Variants in SCUBE1 observed in about 807,000 individuals in gnomAD.
SCUBE1 encodes signal peptide, CUB domain and EGF like domain containing 1, also known as signal peptide, CUB and EGF-like domain-containing protein 1.
In SCUBE1, 59 loss-of-function variants were observed where a neutral mutation model predicts 124.4. The ratio of observed to expected loss-of-function variants is 0.47; its 90% CI spans 0.38 to 0.59. SCUBE1 has a LOEUF of 0.59. SCUBE1 is among the 20% of genes least tolerant of loss of function. The probability of loss-of-function intolerance (pLI) is 0.00; values close to 1 mark genes in which losing one functional copy is unlikely to be tolerated. For missense variants in SCUBE1, 1,150 were observed against 1,371.2 expected (o/e 0.84, Z 2.55); for synonymous variants, 545 against 550.9 (o/e 0.99, Z 0.15).
rs146338408 is a variant in SCUBE1 at position 43,222,653 on chromosome 22, C to A, written c.1417G>T (p.Gly473Trp). 37 of 1,594,230 alleles carry A rather than the reference C, an allele frequency of 2.3e-5. No homozygotes were observed. Among genetic ancestry groups the A allele is most frequent in the Non-Finnish European group, 2.9e-5 (34 of 1,171,572 alleles). ...GGGGGGTTACCTGAGCAGCTGGGCC[C>A]GAGGCCAGAGCTGGTGCCGTTGCGT... ...QKRNGTSSGL[G>W]PSCSDAPTTP... The change falls in exon 12 of 22, where the codon GGG becomes TGG. Residue 473 changes from glycine (G) to tryptophan (W), a missense_variant. Physicochemically the swap from Gly to Trp is radical, Grantham distance 184 (BLOSUM62 -2). This residue lies in a region of SCUBE1 where 757 missense variants were observed against 840.9 expected (regional missense o/e 0.90). Transcript: ENST00000360835.
At chr22:43,250,556 G>A (rs952844845) in intron 6 of SCUBE1, among the ~76,000 whole-genome samples, 3 of 152,240 alleles carry the variant, frequency 2.0e-5, no homozygotes, top group African/African-American at 7.2e-5. Flanking sequence ...ATCGGACAAG[G>A]TGGAGCAGTT....
chr22:43,259,585 C>A (rs9941932), intron 5 of SCUBE1, among the ~76,000 whole-genome samples: 1 of 152,144 alleles, frequency 6.6e-6, no homozygotes, highest in Non-Finnish European at 1.5e-5. Flanking sequence ...TCACAGAGAC[C>A]GACGCAGAGC....
At chr22:43,310,119 C>T (rs1158227616) in intron 3 of SCUBE1, among the ~76,000 whole-genome samples, 1 of 152,152 alleles carries the variant, frequency 6.6e-6, no homozygotes, top group Non-Finnish European at 1.5e-5. Context: ...CCTGACCCAG[C>T]CCCGGCCCGC....
intron 4 of SCUBE1, among the ~76,000 whole-genome samples, chr22:43,277,030 G>A (rs1216634599): frequency 1.3e-5 from 2 of 152,210 alleles, no homozygotes; most frequent in Non-Finnish European, 2.9e-5. Context: ...AAAGGCCCGG[G>A]AGCAGAGACA....
intron 3 of SCUBE1, among the ~76,000 whole-genome samples, chr22:43,313,431 AAG>A (rs1183779525): frequency 2.0e-5 from 3 of 152,230 alleles, no homozygotes; most frequent in African/African-American, 7.2e-5. Context: ...GCTTTAGAGA[AAG>A]AGGAGCCTTG....
At chr22:43,336,124 C>T (rs113748946) in intron 2 of SCUBE1, among the ~76,000 whole-genome samples, 1,635 of 152,272 alleles carry the variant, frequency 0.011, 18 homozygotes, top group African/African-American at 0.038. Context: ...GTGCACTATA[C>T]TGTGCCTCAC....
chr22:43,265,718 TTA>T (rs1438810501), intron 4 of SCUBE1, among the ~76,000 whole-genome samples: 1 of 152,230 alleles, frequency 6.6e-6, no homozygotes, highest in Non-Finnish European at 1.5e-5. Flanking sequence ...ATGGACGTGT[TTA>T]TGTGTTACAG....
Position 43,210,697 on chromosome 22 carries a change from C to T in SCUBE1, c.2383+225G>A, listed in dbSNP as rs191631441. Among the ~76,000 whole-genome samples the T allele has an allele frequency of 3.9e-5, 6 of 152,324 alleles. No individual in the cohort carries two copies. Among genetic ancestry groups the T allele is most frequent in the Admixed American group, 3.9e-4 (6 of 15,306 alleles). On this transcript the variant is annotated intron_variant, in intron 18 of 21. Coordinates refer to ENST00000360835, the MANE Select transcript of SCUBE1 (RefSeq NM_173050.5). This position sits in a 1 kb window ranked among gnomAD's most constrained non-coding sequence, Gnocchi z 4.5. ...TGGGTGAGCAGTGGGAACTGATGAA[C>T]GATGGCCACCACTGTGGGCTCCGTA...
Position 43,260,734 on chromosome 22 carries a change from C to T in SCUBE1, c.610+1986G>A, listed in dbSNP as rs569471240. The stretch of plus-strand genomic sequence containing the variant: ...TACCTTGGTGATATTCAGCCACCCA[C>T]GGAGAGGGTGGGACTGCTGTTTCTT... On this transcript the variant is annotated intron_variant, in intron 5 of 21. Coordinates refer to ENST00000360835, the MANE Select transcript of SCUBE1 (RefSeq NM_173050.5). Among the ~76,000 whole-genome samples the T allele has an allele frequency of 1.2e-4, 19 of 152,320 alleles. No homozygotes were observed. The South Asian group carries it at 2.9e-3, about 23-fold the overall frequency.
rs970933077 is a variant in SCUBE1 at position 43,220,366 on chromosome 22, A to G, written c.1687+84T>C. On this transcript the variant is annotated intron_variant, in intron 14 of 21. Transcript: ENST00000360835. ...TGTGCTCTGGTGGGAGCCTAGCTTC[A>G]TGCCTGGCAGGCCCCCGGCAGCGCC... 1.4e-4 allele frequency: 201 copies of G among 1,482,510 alleles called. 1 individual carries two copies. Among genetic ancestry groups the G allele is most frequent in the Admixed American group, 2.7e-4 (15 of 55,274 alleles). 91.8% of individuals were successfully genotyped at this position (1,482,510 alleles called of 1,614,324 possible).
intron 4 of SCUBE1, among the ~76,000 whole-genome samples, chr22:43,278,997 G>C (rs1924649863): frequency 6.6e-6 from 1 of 152,170 alleles, no homozygotes; most frequent in South Asian, 2.1e-4. Context: ...GCAGGCCACA[G>C]ACAAGCCAGA....
At chr22:43,341,964 C>T (rs1441859490) in intron 1 of SCUBE1, among the ~76,000 whole-genome samples, 4 of 152,046 alleles carry the variant, frequency 2.6e-5, no homozygotes, top group Admixed American at 2.6e-4. Flanking sequence ...GAGAGACACC[C>T]ACAGACACAA....
chr22:43,255,630 T>C lies in SCUBE1; in HGVS notation c.727+2589A>G. 6.9e-7 allele frequency: 1 copy of C among 1,452,008 alleles called. No individual in the cohort carries two copies. The highest frequency in any genetic ancestry group is 9.4e-7 in the Non-Finnish European group (1 of 1,058,816). The allele number at this position is 1,452,008 out of a possible 1,614,324, so 89.9% of individuals were successfully genotyped here. Reference sequence around the variant, plus strand: ...GAGCCAGTGGTTAATGACAGCCCACTTCCCGCGGCCCAAGACAGTCAGCCT... The same window carrying C: ...GAGCCAGTGGTTAATGACAGCCCACCTCCCGCGGCCCAAGACAGTCAGCCT... On this transcript the variant is annotated intron_variant, in intron 6 of 21. Transcript: ENST00000360835. This position sits in a 1 kb window ranked among gnomAD's most constrained non-coding sequence, Gnocchi z 4.7.
At chr22:43,284,691 A>G (rs1399834061) in intron 4 of SCUBE1, among the ~76,000 whole-genome samples, 1 of 152,262 alleles carries the variant, frequency 6.6e-6, no homozygotes, top group African/African-American at 2.4e-5. Context: ...AAATGCATGG[A>G]AAGTGCCTGG....
At chr22:43,315,118 G>C (rs1239366218) in intron 3 of SCUBE1, among the ~76,000 whole-genome samples, 4 of 152,104 alleles carry the variant, frequency 2.6e-5, no homozygotes, top group African/African-American at 9.6e-5. Context: ...ATGTCTGTGG[G>C]CCAGATGGGG....
intron 3 of SCUBE1, among the ~76,000 whole-genome samples, chr22:43,318,897 T>C (rs1183953685): frequency 6.6e-6 from 1 of 152,126 alleles, no homozygotes; most frequent in Non-Finnish European, 1.5e-5. Context: ...AATTTTTGTA[T>C]TTTTAGTAGA....
Position 43,325,406 on chromosome 22 carries a change from G to T in SCUBE1, c.221-5341C>A, listed in dbSNP as rs553473312. Among the ~76,000 whole-genome samples, 6 of 137,240 alleles carry T rather than the reference G, an allele frequency of 4.4e-5. No individual in the cohort carries two copies. In the East Asian group the frequency reaches 1.3e-3, roughly 29 times the overall value. 90.0% of individuals were successfully genotyped at this position (137,240 alleles called of 152,430 possible). A position where few individuals can be genotyped will look rare whatever the true frequency, so the allele number is the denominator to read the frequency against. ...TGCGATGAGCCGAGATCGCGCCGTT[G>T]CACTCCAGCCTGGGCAACAAGAGCA... is the stretch of plus-strand genomic sequence containing the variant. On this transcript the variant is annotated intron_variant, in intron 2 of 21. Coordinates refer to ENST00000360835, the MANE Select transcript of SCUBE1 (RefSeq NM_173050.5).
intron 12 of SCUBE1, 105 bp downstream of exon 12, chr22:43,222,533 A>C (rs1922133652): frequency 1.2e-6 from 1 of 856,154 alleles, no homozygotes; most frequent in Non-Finnish European, 1.8e-6. Context: ...GGCCGAGAGC[A>C]GGAAGGTCTT....
intron 3 of SCUBE1, among the ~76,000 whole-genome samples, chr22:43,316,040 T>C (rs920454341): frequency 4.6e-5 from 7 of 152,126 alleles, no homozygotes; most frequent in Non-Finnish European, 8.8e-5. Flanking sequence ...CACGAGGTCT[T>C]GGAGGCATCA....
Sources: allele counts gnomAD v4.1 joint callset (sites outside exome capture counted in the v4.1 genomes callset), GRCh38; gene constraint gnomAD v4.1.1; regional missense constraint gnomAD v4.1.1; non-coding constraint Gnocchi (gnomAD v3.1); transcripts MANE v1.5; gene names NCBI Gene and HGNC (gene_info 2026-07-23, HGNC 2026-07-21).